Variants in YWHAQ observed in about 807,000 individuals in gnomAD.
YWHAQ encodes tyrosine 3-monooxygenase/tryptophan 5-monooxygenase activation protein theta, also known as 14-3-3 protein theta.
A neutral mutation model predicts 28.3 loss-of-function variants in YWHAQ; 6 were observed. The ratio of observed to expected loss-of-function variants is 0.21; its 90% CI spans 0.12 to 0.42. The LOEUF (loss-of-function observed/expected upper bound fraction) is 0.42, where lower values mean the gene tolerates loss of function less well. Among genes scored for constraint, YWHAQ ranks in the 10% least tolerant of loss-of-function variants. The pLI is 1.00. For missense variants in YWHAQ, 201 were observed against 305.6 expected (o/e 0.66, Z 2.55); for synonymous variants, 143 against 119.1 (o/e 1.20, Z -1.31).
At chr2:9,596,944 T>A (rs917320392) in intron 2 of YWHAQ, among the ~76,000 whole-genome samples, 1 of 152,214 alleles carries the variant, frequency 6.6e-6, no homozygotes, top group African/African-American at 2.4e-5. Context: ...GGTGCCCAGC[T>A]TAGAGATTTA....
intron 2 of YWHAQ, among the ~76,000 whole-genome samples, chr2:9,593,923 T>TATATACACAC (rs377495113): frequency 1.3e-4 from 17 of 135,152 alleles, no homozygotes; most frequent in African/African-American, 3.8e-4. Flanking sequence ...TATATATATA[T>TATATACACAC]ACACACACAC....
rs1176646126 is a variant in YWHAQ at position 9,584,481 on chromosome 2, C to CT, written c.*804dup. On this transcript the variant is annotated 3_prime_UTR_variant, in exon 6 of 6. Transcript: ENST00000238081. ...AAAGTTTTAGACTTGGACTTGTGTACTTTAATTTATTTCCCCTTTCTAGTG... is the reference window on the plus strand; with the variant it reads ...AAAGTTTTAGACTTGGACTTGTGTACTTTTAATTTATTTCCCCTTTCTAGTG... 2 of 152,614 alleles carry CT rather than the reference C, an allele frequency of 1.3e-5. No individual in the cohort carries two copies. The highest frequency in any genetic ancestry group is 1.3e-4 in the Admixed American group (2 of 15,278). The allele number at this position is 152,614 out of a possible 1,614,324, so 9.5% of individuals were successfully genotyped here.
intron 2 of YWHAQ, among the ~76,000 whole-genome samples, chr2:9,627,565 G>A (rs1242559888): frequency 1.3e-5 from 2 of 152,148 alleles, no homozygotes; most frequent in East Asian, 3.9e-4. Flanking sequence ...CAGTGGTGCT[G>A]ACATCTGTAA....
At position 9,630,467 on chromosome 2, in the gene YWHAQ, C is replaced by T. The variant is rs979488247; in HGVS notation, c.-15G>A. The T allele has an allele frequency of 1.3e-6, 2 of 1,577,482 alleles. No homozygotes were observed. Among genetic ancestry groups the T allele is most frequent in the East Asian group, 2.3e-5 (1 of 44,360 alleles). ...GTCTTCTCCATGGCGGGCGCGGGGC[C>T]GGGGCCGGGGCGGAGGGCGAGGAGA... On this transcript the variant is annotated 5_prime_UTR_variant, in exon 2 of 6. Coordinates refer to ENST00000238081, the MANE Select transcript of YWHAQ (RefSeq NM_006826.4). The surrounding 1 kb of genome is among the most constrained non-coding windows in gnomAD (Gnocchi z 5.6).
At chr2:9,608,448 C>T (rs1666878844) in intron 2 of YWHAQ, among the ~76,000 whole-genome samples, 1 of 152,146 alleles carries the variant, frequency 6.6e-6, no homozygotes, top group East Asian at 1.9e-4. Context: ...CCATAAAAAG[C>T]AGAAACTCGA....
rs1666449802 is a variant in YWHAQ, at chr2:9,591,277, A to G, written c.418+115T>C. On this transcript the variant is annotated intron_variant, in intron 3 of 5. Transcript: ENST00000238081. ...GGTAATACTAATTTTCTTGACATAC[A>G]TTCAATTATTAAGTCACAAAGAGCC... is the stretch of plus-strand genomic sequence containing the variant. 3 of 1,266,444 alleles carry G rather than the reference A, an allele frequency of 2.4e-6. No individual in the cohort carries two copies. The South Asian group carries it at 5.9e-5, about 25-fold the overall frequency. 78.5% of individuals were successfully genotyped at this position (1,266,444 alleles called of 1,614,324 possible).
intron 2 of YWHAQ, among the ~76,000 whole-genome samples, chr2:9,602,848 AAAAAAAAAAAAAAAATATATAT>A (rs1666730925): frequency 1.7e-4 from 3 of 17,822 alleles, no homozygotes; most frequent in African/African-American, 5.6e-4. Context: ...AAAAAAAAAA[AAAAAAAAAAAAAAAATATATAT>A]ATATATATAT....
chr2:9,588,392 A>G (rs1666389312), intron 3 of YWHAQ, 64 bp from the exon 4 acceptor site: 1 of 1,535,714 alleles, frequency 6.5e-7, no homozygotes, highest in Admixed American at 2.3e-5. Flanking sequence ...CAGTACATTA[A>G]CAACTTGAAC....
In YWHAQ at chr2:9,612,616, G is replaced by C. The variant is rs555051411; in HGVS notation, c.294+17543C>G. Among the ~76,000 whole-genome samples, 12 of 152,272 alleles carry C rather than the reference G, an allele frequency of 7.9e-5. No homozygotes were observed. The East Asian group carries it at 2.3e-3, about 29-fold the overall frequency. On this transcript the variant is annotated intron_variant, in intron 2 of 5. Transcript: ENST00000238081. ...TTTCTGGACCAGTAGGAGGAGTGTG[G>C]AGCAACAACAAGGTGCCTCCCAAAA...
chr2:9,625,009 G>T (rs1667221221), intron 2 of YWHAQ, among the ~76,000 whole-genome samples: 1 of 151,946 alleles, frequency 6.6e-6, no homozygotes, highest in Admixed American at 6.5e-5. Flanking sequence ...CTCCCAAAGT[G>T]CCAGGATTAC....
chr2:9,624,212 C>T (rs1352066617), intron 2 of YWHAQ, among the ~76,000 whole-genome samples: 2 of 152,084 alleles, frequency 1.3e-5, no homozygotes, highest in Non-Finnish European at 2.9e-5. Context: ...GCCCAGATGG[C>T]GCAACTGCAC....
intron 4 of YWHAQ, 129 bp downstream of exon 4, chr2:9,588,036 A>T: frequency 8.6e-7 from 1 of 1,164,872 alleles, no homozygotes; most frequent in Non-Finnish European, 1.2e-6. Flanking sequence ...GGGAAGAAAA[A>T]GAGGAGATTT....
At chr2:9,619,283 C>G (rs1348199386) in intron 2 of YWHAQ, among the ~76,000 whole-genome samples, 3 of 152,164 alleles carry the variant, frequency 2.0e-5, no homozygotes, top group South Asian at 2.1e-4. Context: ...CAGAGATGTA[C>G]AGCTGATCGT....
intron 2 of YWHAQ, among the ~76,000 whole-genome samples, chr2:9,597,128 T>C (rs978683307): frequency 2.0e-5 from 3 of 152,248 alleles, no homozygotes; most frequent in Non-Finnish European, 2.9e-5. Flanking sequence ...GAGACTATTA[T>C]GATCTAAAGG....
intron 2 of YWHAQ, among the ~76,000 whole-genome samples, chr2:9,627,419 TCTA>T (rs1341143615): frequency 6.6e-6 from 1 of 152,250 alleles, no homozygotes; most frequent in Non-Finnish European, 1.5e-5. Flanking sequence ...TAGGTGTTAC[TCTA>T]CTTTCCTAGA....
intron 2 of YWHAQ, among the ~76,000 whole-genome samples, chr2:9,617,627 T>C (rs1431091755): frequency 6.6e-6 from 1 of 152,178 alleles, no homozygotes; most frequent in Non-Finnish European, 1.5e-5. Context: ...CGTGTTATCT[T>C]ACCACACTAT....
At chr2:9,585,783 T>TGTGC (rs1167648119) in intron 5 of YWHAQ, among the ~76,000 whole-genome samples, 2 of 151,922 alleles carry the variant, frequency 1.3e-5, no homozygotes, top group African/African-American at 4.8e-5. Flanking sequence ...CGGGGTGGTG[T>TGTGC]GTGCCTACAG....
chr2:9,615,708 T>C (rs1269353440), intron 2 of YWHAQ, among the ~76,000 whole-genome samples: 1 of 152,162 alleles, frequency 6.6e-6, no homozygotes, highest in African/African-American at 2.4e-5. Context: ...AAGCCTAGAT[T>C]CTTCCCCACT....
At chr2:9,611,480 G>T (rs938364829) in intron 2 of YWHAQ, among the ~76,000 whole-genome samples, 6 of 152,000 alleles carry the variant, frequency 3.9e-5, no homozygotes, top group African/African-American at 1.4e-4. Flanking sequence ...CTCCACCCTG[G>T]TATAGCTCAC....
Sources: gnomAD v4.1 joint callset for allele counts (sites outside exome capture counted in the v4.1 genomes callset) on GRCh38, gnomAD v4.1.1 for gene constraint, Gnocchi (gnomAD v3.1) non-coding constraint, MANE v1.5 for transcripts, NCBI Gene and HGNC (gene_info 2026-07-23, HGNC 2026-07-21) for gene names.